Variants in MAGI2 observed in about 807,000 individuals in gnomAD.
MAGI2 encodes membrane-associated guanylate kinase, WW and PDZ domain-containing protein 2.
MAGI2 carries 35 observed loss-of-function variants against 133.3 expected under a neutral mutation model. The ratio of observed to expected loss-of-function variants is 0.26; its 90% CI spans 0.20 to 0.35. The LOEUF (loss-of-function observed/expected upper bound fraction) is 0.35. Ranked by LOEUF, MAGI2 falls within the 10% of genes least tolerant of loss-of-function variation. The pLI, the probability that MAGI2 is intolerant of heterozygous loss-of-function variation, is 1.00. For missense variants in MAGI2, 1,636 were observed against 1,863.4 expected (o/e 0.88, Z 2.25); for synonymous variants, 729 against 710.6 (o/e 1.03, Z -0.41).
chr7:78,922,061 A>G (rs1397799303), intron 2 of MAGI2, among the ~76,000 whole-genome samples: 1 of 152,100 alleles, frequency 6.6e-6, no homozygotes, highest in Non-Finnish European at 1.5e-5. Context: ...TCACCAAGAA[A>G]AAGCAACAGA....
At chr7:79,352,569 G>T (rs1030667774) in intron 1 of MAGI2, among the ~76,000 whole-genome samples, 1 of 152,228 alleles carries the variant, frequency 6.6e-6, no homozygotes, top group African/African-American at 2.4e-5. Flanking sequence ...CAATCTGGCT[G>T]TAAGCCCCAC....
At position 79,170,137 on chromosome 7, in the gene MAGI2, C is replaced by CTTTTTTTTTTTTTTTT. The variant is rs10539344; in HGVS notation, c.302-162947_302-162932dup. On this transcript the variant is annotated intron_variant, in intron 1 of 21. Coordinates refer to ENST00000354212, the MANE Select transcript of MAGI2 (RefSeq NM_012301.4). ...TCAATGGTTACTTTGAGATATTATA[C>CTTTTTTTTTTTTTTTT]TTTTTTTTTTTTTTTTTTTTTTTTT... 6.5e-4 allele frequency among the ~76,000 whole-genome samples: 28 copies of CTTTTTTTTTTTTTTTT among 42,950 alleles called. 5 individuals carry two copies. Among genetic ancestry groups the CTTTTTTTTTTTTTTTT allele is most frequent in the African/African-American group, 1.7e-3 (20 of 11,604 alleles). 28.2% of individuals were successfully genotyped at this position (42,950 alleles called of 152,430 possible). A position where few individuals can be genotyped will look rare whatever the true frequency, so the allele number is the denominator to read the frequency against.
At chr7:78,298,539 T>C (rs1415878013) in intron 9 of MAGI2, among the ~76,000 whole-genome samples, 1 of 152,206 alleles carries the variant, frequency 6.6e-6, no homozygotes, top group Admixed American at 6.5e-5. Context: ...ACAGAAACTC[T>C]GTCACCCAGC....
At chr7:79,168,116 G>T (rs1414645329) in intron 1 of MAGI2, among the ~76,000 whole-genome samples, 2 of 152,004 alleles carry the variant, frequency 1.3e-5, no homozygotes, top group African/African-American at 4.8e-5. Context: ...CTAATGACTG[G>T]CTTGTTAATA....
intron 2 of MAGI2, among the ~76,000 whole-genome samples, chr7:78,722,124 A>G (rs1180116570): frequency 6.6e-6 from 1 of 151,244 alleles, no homozygotes; most frequent in Non-Finnish European, 1.5e-5. Context: ...ATATTCTATA[A>G]CAAATATAGC....
chr7:78,535,441 A>C (rs1797805904), intron 3 of MAGI2, among the ~76,000 whole-genome samples: 1 of 152,200 alleles, frequency 6.6e-6, no homozygotes. Flanking sequence ...GGAGGCAGCA[A>C]GAGTGAAAAG....
At chr7:79,043,429 G>A (rs1288245116) in intron 1 of MAGI2, among the ~76,000 whole-genome samples, 2 of 149,942 alleles carry the variant, frequency 1.3e-5, no homozygotes, top group Non-Finnish European at 3.0e-5. Context: ...TGTAATCCCA[G>A]CTACTCAGGA....
intron 1 of MAGI2, among the ~76,000 whole-genome samples, chr7:79,016,520 C>T (rs867709763): frequency 6.6e-6 from 1 of 152,118 alleles, no homozygotes; most frequent in Non-Finnish European, 1.5e-5. Context: ...TCCACCTATG[C>T]CCTTCTCCTA....
chr7:78,790,386 G>A (rs1355104590), intron 2 of MAGI2, among the ~76,000 whole-genome samples: 1 of 152,072 alleles, frequency 6.6e-6, no homozygotes, highest in East Asian at 1.9e-4. Flanking sequence ...TCATAAAAGT[G>A]AAAGAAGATT....
In MAGI2 at chr7:78,802,865, C is replaced by T. The variant is rs117197886; in HGVS notation, c.419-175626G>A. ...TGGAGATAGGAGGCATATGAGATAT[C>T]TCCATACCTTCTGCTCAATTTTGCA... On this transcript the variant is annotated intron_variant, in intron 2 of 21. Coordinates refer to ENST00000354212, the MANE Select transcript of MAGI2 (RefSeq NM_012301.4). 6.0e-3 allele frequency among the ~76,000 whole-genome samples: 906 copies of T among 151,514 alleles called. 8 individuals carry two copies. Among genetic ancestry groups the T allele is most frequent in the Middle Eastern group, 0.014 (4 of 292 alleles).
intron 2 of MAGI2, among the ~76,000 whole-genome samples, chr7:79,005,376 A>G (rs1260169863): frequency 6.6e-6 from 1 of 152,144 alleles, no homozygotes; most frequent in Non-Finnish European, 1.5e-5. Flanking sequence ...TTGTACTGAA[A>G]TTACATCTTG....
intron 9 of MAGI2, among the ~76,000 whole-genome samples, chr7:78,286,215 TCTCTCTATTCCTCCTC>T (rs1435756922): frequency 2.6e-5 from 4 of 152,102 alleles, no homozygotes; most frequent in Non-Finnish European, 5.9e-5. Flanking sequence ...TTTCCCTCCC[TCTCTCTATTCCTCCTC>T]CCTACCCCCA....
intron 20 of MAGI2, among the ~76,000 whole-genome samples, chr7:78,121,000 C>A (rs1382271544): frequency 4.2e-3 from 318 of 75,016 alleles, no homozygotes; most frequent in East Asian, 0.019. Context: ...GACTCCGTCT[C>A]AAAAAAAAAA....
At chr7:79,311,032 C>A (rs572935779) in intron 1 of MAGI2, among the ~76,000 whole-genome samples, 2 of 152,048 alleles carry the variant, frequency 1.3e-5, no homozygotes, top group Non-Finnish European at 2.9e-5. Context: ...AATAAAACCA[C>A]CCCCAACAAA....
At chr7:78,838,352 TGGA>T (rs893323756) in intron 2 of MAGI2, among the ~76,000 whole-genome samples, 1 of 152,038 alleles carries the variant, frequency 6.6e-6, no homozygotes, top group African/African-American at 2.4e-5. Context: ...CAGGTTAACT[TGGA>T]GGAAGAATGC....
chr7:78,310,273 A>G (rs961136549), intron 9 of MAGI2, among the ~76,000 whole-genome samples: 13 of 152,002 alleles, frequency 8.6e-5, no homozygotes, highest in African/African-American at 2.9e-4. Flanking sequence ...CGTCTCTACT[A>G]AAAATACAAA....
At chr7:78,526,909 G>T (rs2150604563) in intron 3 of MAGI2, among the ~76,000 whole-genome samples, 1 of 146,456 alleles carries the variant, frequency 6.8e-6, no homozygotes, top group East Asian at 2.1e-4. Flanking sequence ...TAAGGAGGCT[G>T]AGACAGGAGA....
chr7:78,844,915 C>A (rs1422815637), intron 2 of MAGI2, among the ~76,000 whole-genome samples: 1 of 151,874 alleles, frequency 6.6e-6, no homozygotes, highest in Non-Finnish European at 1.5e-5. Flanking sequence ...CATATTGATG[C>A]CATCTCCAAG....
At chr7:78,755,861 A>G (rs1823895119) in intron 2 of MAGI2, among the ~76,000 whole-genome samples, 1 of 152,204 alleles carries the variant, frequency 6.6e-6, no homozygotes, top group Non-Finnish European at 1.5e-5. Context: ...AAGCACTGTC[A>G]AAATTGTGTT....
Sources: gnomAD v4.1 joint callset for allele counts (sites outside exome capture counted in the v4.1 genomes callset) on GRCh38, gnomAD v4.1.1 for gene constraint, MANE v1.5 for transcripts, NCBI Gene and HGNC (gene_info 2026-07-23, HGNC 2026-07-21) for gene names.